SMARCA1: variants seen among roughly 807,000 people sequenced by gnomAD.
The protein encoded by SMARCA1 is SNF2 related chromatin remodeling ATPase 1.
Under a neutral mutation model 93.6 loss-of-function variants are expected in SMARCA1, and 17 were observed. The observed-to-expected ratio is 0.18, with a 90% CI of 0.12 to 0.27. The LOEUF (loss-of-function observed/expected upper bound fraction) is 0.27, where lower values mean the gene tolerates loss of function less well. SMARCA1 is among the 10% of genes least tolerant of loss of function. The pLI is 1.00. For synonymous variants in SMARCA1, 271 were observed against 271.4 expected (o/e 1.00, Z 0.01); for missense variants, 630 against 819.0 (o/e 0.77, Z 2.82).
intron 23 of SMARCA1, among the ~76,000 whole-genome samples, chrX:129,464,221 T>A (rs1386811230): frequency 8.9e-6 from 1 of 112,495 alleles, no homozygotes; most frequent in African/African-American, 3.2e-5. Context: ...CCTTTCCTTT[T>A]ATTCAACTTG....
At chrX:129,477,110 G>C (rs1933420323) in intron 19 of SMARCA1, among the ~76,000 whole-genome samples, 1 of 111,699 alleles carries the variant, frequency 9.0e-6, no homozygotes, top group Non-Finnish European at 1.9e-5. Context: ...GCTAGGAGTA[G>C]AGTAGTAGGG....
intron 23 of SMARCA1, among the ~76,000 whole-genome samples, chrX:129,453,015 C>A (rs893232994): frequency 9.0e-6 from 1 of 111,349 alleles, no homozygotes; most frequent in Non-Finnish European, 1.9e-5. Flanking sequence ...TTGTGAGGTA[C>A]CACGAATCAC....
At chrX:129,521,480 T>C (rs1472538527) in intron 1 of SMARCA1, among the ~76,000 whole-genome samples, 1 of 112,445 alleles carries the variant, frequency 8.9e-6, no homozygotes, top group Non-Finnish European at 1.9e-5. Context: ...AATGAAGTAC[T>C]GGTAGGGCAA....
rs1342799293 is a variant in SMARCA1 at position 129,481,146 on chromosome X, G to A, written c.2257C>T (p.Arg753Cys). 9 of 1,204,962 alleles carry A rather than the reference G, an allele frequency of 7.5e-6. No homozygotes were observed. The highest frequency in any genetic ancestry group is 2.2e-5 in the Admixed American group (1 of 45,497). ...GCATCCACTGCGTAGTTTGCTTTGCGTTCTCGTTTAGGAGGTTCAATCCAT... is the reference window on the plus strand; with the variant it reads ...GCATCCACTGCGTAGTTTGCTTTGCATTCTCGTTTAGGAGGTTCAATCCAT... ...VEWIEPPKRE[R>C]KANYAVDAYF... The change falls in exon 18 of 25, where the codon CGC (arginine) becomes TGC (cysteine). Residue 753 changes from arginine (R) to cysteine (C), a missense_variant. Physicochemically the swap from Arg to Cys is radical, Grantham distance 180 (BLOSUM62 -3). Transcript: ENST00000371121.
At chrX:129,463,040 G>A (rs1478646880) in intron 23 of SMARCA1, among the ~76,000 whole-genome samples, 3 of 111,062 alleles carry the variant, frequency 2.7e-5, no homozygotes, top group Non-Finnish European at 5.7e-5. Context: ...AATGTGTTTC[G>A]TCCTACTGGT....
At chrX:129,467,448 G>GA (rs770545984) in intron 21 of SMARCA1, among the ~76,000 whole-genome samples, 2 of 110,808 alleles carry the variant, frequency 1.8e-5, no homozygotes, top group East Asian at 5.6e-4. Flanking sequence ...TTCAACTCTT[G>GA]ATGCTAAAAT....
rs770260794 is a variant in SMARCA1 at position 129,453,986 on chromosome X, C to A, written c.3031-5543G>T. On this transcript the variant is annotated intron_variant, in intron 23 of 24. Transcript: ENST00000371121. Reference sequence around the variant, plus strand: ...CAAAAAAGAGCCCGTATAGCCAAGACAATCCTAAACAAAAAGAACAAAGCT... The same window carrying A: ...CAAAAAAGAGCCCGTATAGCCAAGAAAATCCTAAACAAAAAGAACAAAGCT... 7.2e-5 allele frequency among the ~76,000 whole-genome samples: 8 copies of A among 111,823 alleles called. No homozygotes were observed. In the East Asian group the frequency reaches 1.4e-3, roughly 20 times the overall value.
chrX:129,468,048 G>C lies in SMARCA1; in HGVS notation c.2698+725C>G, dbSNP rs7065588. ...ATAAGATTTCTGGATAGCTAAACAC[G>C]AAGAGGTTTCGCCCAGGGAGGGCAC... On this transcript the variant is annotated intron_variant, in intron 21 of 24. Transcript: ENST00000371121. Among the ~76,000 whole-genome samples the C allele has an allele frequency of 4.1e-3, 465 of 112,705 alleles. 1 individual carries two copies. Among genetic ancestry groups the C allele is most frequent in the African/African-American group, 0.014 (442 of 31,105 alleles).
intron 1 of SMARCA1, among the ~76,000 whole-genome samples, chrX:129,521,402 A>T (rs755287335): frequency 8.9e-6 from 1 of 112,129 alleles, no homozygotes; most frequent in East Asian, 2.8e-4. Context: ...AGGAAAAATT[A>T]AAAATAAAAA....
At position 129,448,351 on chromosome X, in the gene SMARCA1, C is replaced by T; in HGVS notation, c.3123G>A (p.Arg1041=). 8.3e-7 allele frequency: 1 copy of T among 1,202,246 alleles called. No individual in the cohort carries two copies. The highest frequency in any genetic ancestry group is 1.7e-5 in the African/African-American group (1 of 57,407). The change falls in exon 24 of 25, where the codon CGG becomes CGA. Residue 1041 remains arginine, a synonymous_variant. Transcript: ENST00000371121. ...ATTTTACCATTGGAGTTTTAGTTGC[C>T]CGTTTCTTCTTTTCTGCTCTCTCTC... ...EERERAEKKK[R]ATKTPMSQKR... is the part of the protein sequence containing the mutation.
chrX:129,473,544 GA>G (rs1933237118), intron 19 of SMARCA1, among the ~76,000 whole-genome samples: 1 of 111,781 alleles, frequency 8.9e-6, no homozygotes, highest in Non-Finnish European at 1.9e-5. Flanking sequence ...CCAAAAGCCA[GA>G]AAACAGCCCA....
At chrX:129,463,345 T>A (rs1333385961) in intron 23 of SMARCA1, among the ~76,000 whole-genome samples, 1 of 111,751 alleles carries the variant, frequency 8.9e-6, no homozygotes, top group Non-Finnish European at 1.9e-5. Flanking sequence ...TTCACTGTGC[T>A]AAAGGGGACC....
At chrX:129,490,339 C>T (rs1277552592) in intron 14 of SMARCA1, 147 bp from the exon 15 acceptor site, 1 of 356,697 alleles carries the variant, frequency 2.8e-6, no homozygotes, top group African/African-American at 2.6e-5. Context: ...TTGAGAATAT[C>T]TAAAGACCAC....
intron 20 of SMARCA1, among the ~76,000 whole-genome samples, chrX:129,470,094 A>G (rs1406186872): frequency 9.0e-6 from 1 of 111,725 alleles, no homozygotes; most frequent in Non-Finnish European, 1.9e-5. Flanking sequence ...ATATACAAAT[A>G]TAAAAACTAT....
intron 21 of SMARCA1, among the ~76,000 whole-genome samples, chrX:129,466,837 TA>T (rs35808392): frequency 0.11 from 9,223 of 80,929 alleles, 919 homozygotes; most frequent in African/African-American, 0.32. Flanking sequence ...CCTTTTCTCA[TA>T]AAAAAAAAAA....
chrX:129,494,554 G>A (rs981022298), intron 12 of SMARCA1, among the ~76,000 whole-genome samples: 4 of 111,411 alleles, frequency 3.6e-5, no homozygotes, highest in African/African-American at 9.8e-5. Context: ...CACAAGGAAC[G>A]GAGTGCCCAT....
At position 129,465,683 on chromosome X, in the gene SMARCA1, G is replaced by A; in HGVS notation, c.2867C>T (p.Thr956Ile). Residue 956 changes from threonine (T) to isoleucine (I), a missense_variant, in exon 23 of 25, where the codon ACC becomes ATC. Coordinates refer to ENST00000371121, the MANE Select transcript of SMARCA1 (RefSeq NM_001282874.2). ...CTCAGTATAGTTCTTTCCTTTGCTG[G>A]TTCCATACTGAATGCGCAACTGATG... ...PFHQLRIQYG[T>I]SKGKNYTEEE... 1 of 1,191,700 alleles carries A rather than the reference G, an allele frequency of 8.4e-7. No individual in the cohort carries two copies. Among genetic ancestry groups the A allele is most frequent in the Non-Finnish European group, 1.1e-6 (1 of 885,799 alleles).
intron 2 of SMARCA1, among the ~76,000 whole-genome samples, chrX:129,516,806 C>T (rs1031408760): frequency 9.0e-6 from 1 of 111,315 alleles, no homozygotes; most frequent in African/African-American, 3.3e-5. Flanking sequence ...ATAAGAAATA[C>T]CCTTCTTAAA....
intron 1 of SMARCA1, 74 bp downstream of exon 1, chrX:129,523,123 G>C (rs1486697768): frequency 9.1e-7 from 1 of 1,099,666 alleles, no homozygotes; most frequent in Non-Finnish European, 1.2e-6. Flanking sequence ...GGCGCCGAAA[G>C]GTCAGGGTTT....
Sources: allele counts gnomAD v4.1 joint callset (sites outside exome capture counted in the v4.1 genomes callset), GRCh38; gene constraint gnomAD v4.1.1; transcripts MANE v1.5; gene names NCBI Gene and HGNC (gene_info 2026-07-23, HGNC 2026-07-21).